Variants in NAV3 observed in about 807,000 individuals in gnomAD.
NAV3 encodes pore membrane and/or filament interacting like protein 1.
A neutral mutation model predicts 244.7 loss-of-function variants in NAV3; 87 were observed. The ratio of observed to expected loss-of-function variants is 0.36; its 90% CI spans 0.30 to 0.42. The LOEUF (loss-of-function observed/expected upper bound fraction) is 0.42, where lower values mean the gene tolerates loss of function less well. Among genes scored for constraint, NAV3 ranks in the 20% least tolerant of loss-of-function variants. NAV3 has a pLI of 1.00. For synonymous variants in NAV3, 1,126 were observed against 1,042.2 expected (o/e 1.08, Z -1.55); for missense variants, 2,663 against 2,893.3 (o/e 0.92, Z 1.83).
intron 11 of NAV3, 89 bp downstream of exon 11, chr12:78,051,236 C>T (rs1882715578): frequency 6.3e-6 from 9 of 1,437,280 alleles, no homozygotes; most frequent in Non-Finnish European, 8.5e-6. Flanking sequence ...TGTAAGTTTG[C>T]CCAGAAAGTC....
At chr12:77,965,427 C>G (rs1454006648) in intron 3 of NAV3, among the ~76,000 whole-genome samples, 2 of 152,104 alleles carry the variant, frequency 1.3e-5, no homozygotes, top group African/African-American at 2.4e-5. Flanking sequence ...CGAGACCAGT[C>G]TGGCCAACAT....
intron 20 of NAV3, 49 bp downstream of exon 20, chr12:78,140,383 G>A (rs759836028): frequency 1.4e-6 from 2 of 1,429,232 alleles, no homozygotes; most frequent in African/African-American, 2.8e-5. Flanking sequence ...CATGCACACA[G>A]ATGATGAAAT....
intron 30 of NAV3, among the ~76,000 whole-genome samples, chr12:78,183,311 T>A (rs1958576402): frequency 6.6e-6 from 1 of 151,930 alleles, no homozygotes; most frequent in South Asian, 2.1e-4. Flanking sequence ...CCACCCACAG[T>A]CAACAGAAGG....
intron 2 of NAV3, among the ~76,000 whole-genome samples, chr12:77,641,436 T>G (rs1872406687): frequency 6.6e-6 from 1 of 152,106 alleles, no homozygotes; most frequent in African/African-American, 2.4e-5. Context: ...TGATTTTAGT[T>G]TTCTCAGAAG....
At chr12:78,006,300 CT>C in intron 7 of NAV3, 118 bp from the exon 8 acceptor site, 1 of 923,568 alleles carries the variant, frequency 1.1e-6, no homozygotes, top group Non-Finnish European at 1.6e-6. Flanking sequence ...GCTGCAGTCT[CT>C]TTTCAGTTCA....
At chr12:77,602,370 G>A (rs1870474675) in intron 2 of NAV3, among the ~76,000 whole-genome samples, 1 of 151,974 alleles carries the variant, frequency 6.6e-6, no homozygotes, top group African/African-American at 2.4e-5. Context: ...TAGAGACATG[G>A]TGATATAATG....
intron 12 of NAV3, among the ~76,000 whole-genome samples, chr12:78,073,714 A>C (rs1952899094): frequency 6.6e-6 from 1 of 152,174 alleles, no homozygotes; most frequent in African/African-American, 2.4e-5. Flanking sequence ...TGGAACCAAA[A>C]AAGAGCCCGC....
chr12:78,095,082 CACACACATATATATAT>C (rs1316690285), intron 12 of NAV3, among the ~76,000 whole-genome samples: 1 of 134,428 alleles, frequency 7.4e-6, no homozygotes, highest in Non-Finnish European at 1.7e-5. Flanking sequence ...CACACACACA[CACACACATATATATAT>C]ACACATATAT....
At chr12:77,974,375 G>A (rs1429481925) in intron 5 of NAV3, among the ~76,000 whole-genome samples, 3 of 151,840 alleles carry the variant, frequency 2.0e-5, no homozygotes, top group Non-Finnish European at 2.9e-5. Flanking sequence ...TCTGCCTCCC[G>A]AGTTCAAGCC....
chr12:78,119,229 T>C lies in NAV3; in HGVS notation c.3041-8T>C. The stretch of plus-strand genomic sequence containing the variant: ...GGCACATATATTTGTGTATTTCTCC[T>C]TAATTAGGGAAAACCGATGATGCCA... On this transcript the variant is annotated splice_region_variant and splice_polypyrimidine_tract_variant and intron_variant, in intron 14 of 39. Coordinates refer to ENST00000397909, the MANE Select transcript of NAV3 (RefSeq NM_001024383.2). 6.2e-7 allele frequency: 1 copy of C among 1,605,096 alleles called. No individual in the cohort carries two copies. Among genetic ancestry groups the C allele is most frequent in the East Asian group, 2.2e-5 (1 of 44,820 alleles).
At chr12:77,712,580 T>A (rs1417118827) in intron 2 of NAV3, among the ~76,000 whole-genome samples, 1 of 152,128 alleles carries the variant, frequency 6.6e-6, no homozygotes. Flanking sequence ...AACCAGAACA[T>A]GTTTATAGTG....
Position 77,850,345 on chromosome 12 carries a change from A to G in NAV3, c.243+18641A>G, listed in dbSNP as rs1379502310. On this transcript the variant is annotated intron_variant, in intron 1 of 39. Coordinates refer to ENST00000397909, the MANE Select transcript of NAV3 (RefSeq NM_001024383.2). ...TTCCTTGTCAAGGGTGATGTATGAT[A>G]TGGATCTTCCTCTAAGTAATCATAA... 2.0e-5 allele frequency among the ~76,000 whole-genome samples: 3 copies of G among 151,946 alleles called. No individual in the cohort carries two copies. In the East Asian group the frequency reaches 6.1e-4, roughly 31 times the overall value.
At chr12:77,905,682 G>A (rs924000735) in intron 1 of NAV3, among the ~76,000 whole-genome samples, 3 of 152,042 alleles carry the variant, frequency 2.0e-5, no homozygotes, top group Non-Finnish European at 2.9e-5. Flanking sequence ...TGGAGTAAAT[G>A]ACAATACAAC....
upstream of NAV3, among the ~76,000 whole-genome samples, chr12:77,827,798 T>G (rs1873169194): frequency 6.6e-6 from 1 of 152,192 alleles, no homozygotes. Context: ...GAAGAATAAT[T>G]ATTTTTTTAC....
chr12:77,709,578 T>C (rs1054240771), intron 2 of NAV3, among the ~76,000 whole-genome samples: 1 of 152,210 alleles, frequency 6.6e-6, no homozygotes, highest in African/African-American at 2.4e-5. Flanking sequence ...GTGTTTTAAA[T>C]TATAAAATTT....
intron 2 of NAV3, among the ~76,000 whole-genome samples, chr12:77,606,623 G>A (rs573439476): frequency 2.8e-4 from 42 of 152,104 alleles, no homozygotes; most frequent in Non-Finnish European, 2.8e-4. Flanking sequence ...GTATATGTAT[G>A]TTAGTTTCAG....
intron 1 of NAV3, among the ~76,000 whole-genome samples, chr12:77,921,906 G>GA (rs1887743818): frequency 6.6e-6 from 1 of 152,062 alleles, no homozygotes; most frequent in South Asian, 2.1e-4. Context: ...ATTGTTTCAC[G>GA]TGTAATATAA....
chr12:77,902,990 A>G (rs533301701), intron 1 of NAV3, among the ~76,000 whole-genome samples: 1 of 152,346 alleles, frequency 6.6e-6, no homozygotes, highest in African/African-American at 2.4e-5. Flanking sequence ...AATGAAATAA[A>G]AGAGGATACA....
At chr12:77,968,016 A>G (rs1279664517) in intron 4 of NAV3, among the ~76,000 whole-genome samples, 1 of 152,318 alleles carries the variant, frequency 6.6e-6, no homozygotes, top group East Asian at 1.9e-4. Flanking sequence ...TGGGTGATTT[A>G]GAAAGAAAGT....
Sources: gnomAD v4.1 joint callset for allele counts (sites outside exome capture counted in the v4.1 genomes callset) on GRCh38, gnomAD v4.1.1 for gene constraint, MANE v1.5 for transcripts, NCBI Gene and HGNC (gene_info 2026-07-23, HGNC 2026-07-21) for gene names.